The following PHIP variants were observed in gnomAD, a reference collection of about 807,000 sequenced individuals.
PHIP encodes PHIP subunit of CUL4-Ring ligase complex.
A neutral mutation model predicts 236.8 loss-of-function variants in PHIP; 54 were observed. The ratio of observed to expected loss-of-function variants is 0.23; its 90% CI spans 0.18 to 0.29. PHIP has a LOEUF of 0.29. Among genes scored for constraint, PHIP ranks in the 10% least tolerant of loss-of-function variants. The pLI, the probability that PHIP is intolerant of heterozygous loss-of-function variation, is 1.00. For synonymous variants in PHIP, 756 were observed against 718.9 expected, an observed-to-expected ratio of 1.05 and a Z score of -0.83; for missense variants, 1,370 against 2,190.8, an observed-to-expected ratio of 0.63 and a Z score of 7.48.
chr6:79,017,798 T>C (rs1226778972), intron 10 of PHIP, among the ~76,000 whole-genome samples: 3 of 151,966 alleles, frequency 2.0e-5, no homozygotes, highest in Non-Finnish European at 1.5e-5. Flanking sequence ...TCAATATTTA[T>C]AGAAGTAAAG....
intron 35 of PHIP, 71 bp downstream of exon 35, chr6:78,954,743 A>C: frequency 2.2e-6 from 2 of 914,512 alleles, no homozygotes; most frequent in Non-Finnish European, 3.3e-6. Context: ...AAGTAACTAA[A>C]ATAGCCAACT....
chr6:78,958,796 G>A (rs1449203034), intron 31 of PHIP, among the ~76,000 whole-genome samples, 196 bp from the exon 32 acceptor site: 1 of 152,008 alleles, frequency 6.6e-6, no homozygotes, highest in Non-Finnish European at 1.5e-5. Context: ...CCATAACTAC[G>A]TATTTGCATA....
chr6:78,954,487 G>T (rs1262422614), intron 35 of PHIP, among the ~76,000 whole-genome samples: 3 of 151,628 alleles, frequency 2.0e-5, no homozygotes. Context: ...CTAGATAATT[G>T]CCATAATAAA....
At chr6:78,990,745 T>C (rs1284321268) in intron 20 of PHIP, 123 bp downstream of exon 20, 1 of 515,608 alleles carries the variant, frequency 1.9e-6, no homozygotes, top group African/African-American at 2.0e-5. Context: ...ATAACCAAGA[T>C]TTACTATGTT....
At chr6:79,077,190 A>G (rs1302875359) in intron 4 of PHIP, among the ~76,000 whole-genome samples, 2 of 151,462 alleles carry the variant, frequency 1.3e-5, no homozygotes, top group Non-Finnish European at 2.9e-5. Context: ...ACTGCACAAC[A>G]CTCATGACGT....
chr6:79,077,515 G>A lies in PHIP; in HGVS notation c.130-8C>T, dbSNP rs376702286. 1 of 1,536,718 alleles carries A rather than the reference G, an allele frequency of 6.5e-7. No individual in the cohort carries two copies. The highest frequency in any genetic ancestry group is 8.8e-7 in the Non-Finnish European group (1 of 1,139,508). On this transcript the variant is annotated splice_polypyrimidine_tract_variant and splice_region_variant and intron_variant, in intron 3 of 39. Coordinates refer to ENST00000275034, the MANE Select transcript of PHIP (RefSeq NM_017934.7). ...GGTGCGCCGGGGCAGCAGCTGCGGG[G>A]AGAGGACACCCCGTGAGCCCGGCCC...
intron 7 of PHIP, among the ~76,000 whole-genome samples, chr6:79,035,774 A>G (rs1168055069): frequency 6.6e-6 from 1 of 152,216 alleles, no homozygotes; most frequent in Non-Finnish European, 1.5e-5. Flanking sequence ...TTTTCTAGCA[A>G]AACTAAAAAT....
At chr6:79,062,768 A>T (rs1773441061) in intron 4 of PHIP, among the ~76,000 whole-genome samples, 1 of 152,194 alleles carries the variant, frequency 6.6e-6, no homozygotes, top group Non-Finnish European at 1.5e-5. Flanking sequence ...CAGTTCTTAA[A>T]TTCCTTGTGC....
intron 1 of PHIP, 21 bp downstream of exon 1, chr6:79,077,999 GCCAGCGGCC>G: frequency 6.2e-7 from 1 of 1,607,130 alleles, no homozygotes; most frequent in Non-Finnish European, 8.5e-7. Context: ...ATCGCCCGGT[GCCAGCGGCC>G]CCGGCAGCCC....
At chr6:79,008,870 T>C (rs1770433502) in intron 15 of PHIP, among the ~76,000 whole-genome samples, 1 of 152,102 alleles carries the variant, frequency 6.6e-6, no homozygotes, top group Non-Finnish European at 1.5e-5. Context: ...TTTCCACTAA[T>C]AAAACCATTG....
At position 78,995,081 on chromosome 6, in the gene PHIP, C is replaced by G. The variant is rs527715866; in HGVS notation, c.2201+2333G>C. Among the ~76,000 whole-genome samples, 166 of 152,292 alleles carry G rather than the reference C, an allele frequency of 1.1e-3. 1 individual carries two copies. Among genetic ancestry groups the G allele is most frequent in the Non-Finnish European group, 1.6e-4 (11 of 68,018 alleles). On this transcript the variant is annotated intron_variant, in intron 19 of 39. Coordinates refer to ENST00000275034, the MANE Select transcript of PHIP (RefSeq NM_017934.7). ...AGCAACCTAAATCTGTTCTCCATTC[C>G]TATACCCTTGTCATTTCAAGAATAT...
chr6:79,053,228 G>A (rs937659333), intron 6 of PHIP, among the ~76,000 whole-genome samples: 1 of 152,100 alleles, frequency 6.6e-6, no homozygotes, highest in Non-Finnish European at 1.5e-5. Context: ...GCAGGAGAAT[G>A]GCTTGAACCT....
rs574624201 is a variant in PHIP at position 78,951,913 on chromosome 6, T to C, written c.4053+2901A>G. ...AAATAGCTATAAATAGTTTTGTCTATAAATCTTAGAGTGATGAGTATCAGT... is the reference window on the plus strand; with the variant it reads ...AAATAGCTATAAATAGTTTTGTCTACAAATCTTAGAGTGATGAGTATCAGT... On this transcript the variant is annotated intron_variant, in intron 35 of 39. Transcript: ENST00000275034. 4.3e-4 allele frequency among the ~76,000 whole-genome samples: 66 copies of C among 152,352 alleles called. 1 individual carries two copies. The South Asian group carries it at 0.013, about 29-fold the overall frequency.
At chr6:78,952,378 C>G (rs1774211113) in intron 35 of PHIP, among the ~76,000 whole-genome samples, 1 of 145,466 alleles carries the variant, frequency 6.9e-6, no homozygotes, top group South Asian at 2.2e-4. Flanking sequence ...GAGATTGAGC[C>G]ACTGCACTCC....
chr6:79,005,191 A>G (rs996095873), intron 15 of PHIP, among the ~76,000 whole-genome samples: 64 of 152,170 alleles, frequency 4.2e-4, no homozygotes, highest in African/African-American at 1.5e-3. Flanking sequence ...AAGAAAGGAA[A>G]TGAATCATAA....
At chr6:79,061,432 C>A (rs538431211) in intron 4 of PHIP, among the ~76,000 whole-genome samples, 1 of 151,996 alleles carries the variant, frequency 6.6e-6, no homozygotes, top group Admixed American at 6.6e-5. Context: ...CATGAATGCA[C>A]GGTGGAGGTT....
At chr6:79,055,464 A>T (rs1370634174) in intron 6 of PHIP, among the ~76,000 whole-genome samples, 2 of 152,218 alleles carry the variant, frequency 1.3e-5, no homozygotes, top group Non-Finnish European at 2.9e-5. Flanking sequence ...AAGAGAAAGG[A>T]CAATACTAAA....
At chr6:79,075,764 C>T (rs1774125668) in intron 4 of PHIP, among the ~76,000 whole-genome samples, 1 of 152,026 alleles carries the variant, frequency 6.6e-6, no homozygotes, top group Non-Finnish European at 1.5e-5. Context: ...ATGCAGCATT[C>T]CTCAGTGACT....
rs893774444 is a variant in PHIP at position 78,946,461 on chromosome 6, G to A, written c.4371-201C>T. 16 of 1,396,446 alleles carry A rather than the reference G, an allele frequency of 1.1e-5. No individual in the cohort carries two copies. In the East Asian group the frequency reaches 1.3e-4, roughly 11 times the overall value. The allele number at this position is 1,396,446 out of a possible 1,614,324, so 86.5% of individuals were successfully genotyped here. A position where few individuals can be genotyped will look rare whatever the true frequency, so the allele number is the denominator to read the frequency against. ...GCTGTAAATGCTAAAGTTATATGAC[G>A]GAAAGCATGATGCCATCACTATCCT... On this transcript the variant is annotated intron_variant, in intron 37 of 39. Coordinates refer to ENST00000275034, the MANE Select transcript of PHIP (RefSeq NM_017934.7).
Sources: gnomAD v4.1 joint callset for allele counts (sites outside exome capture counted in the v4.1 genomes callset) on GRCh38, gnomAD v4.1.1 for gene constraint, MANE v1.5 for transcripts, NCBI Gene and HGNC (gene_info 2026-07-23, HGNC 2026-07-21) for gene names.